The following EPHB2 variants were observed in gnomAD, a reference collection of about 807,000 sequenced individuals.
EPHB2 encodes the protein ephrin type-B receptor 2.
Under a neutral mutation model 96.4 loss-of-function variants are expected in EPHB2, and 18 were observed. That is an observed-to-expected ratio of 0.19 (90% CI 0.13 to 0.28). The LOEUF is 0.28. EPHB2 is among the 10% of genes least tolerant of loss of function. The probability of loss-of-function intolerance (pLI) is 1.00; values close to 1 mark genes in which losing one functional copy is unlikely to be tolerated. For missense variants in EPHB2, 989 were observed against 1,355.4 expected (o/e 0.73, Z 4.25); for synonymous variants, 506 against 534.1 (o/e 0.95, Z 0.72).
intron 3 of EPHB2, among the ~76,000 whole-genome samples, chr1:22,807,830 G>A (rs1644948370): frequency 1.3e-5 from 2 of 152,198 alleles, no homozygotes. Context: ...AAGGCCAGGG[G>A]CATAAAAGAA....
chr1:22,917,047 G>C lies in EPHB2; in HGVS notation c.*3477G>C, dbSNP rs1355677877. 2 of 152,350 alleles carry C rather than the reference G, an allele frequency of 1.3e-5. No individual in the cohort carries two copies. The highest frequency in any genetic ancestry group is 4.8e-5 in the African/African-American group (2 of 41,444). 9.4% of individuals were successfully genotyped at this position (152,350 alleles called of 1,614,324 possible). ...CAGAGGCCTCAGAGCAGGGACCCGG[G>C]TGGCGGGGCAGTAGGAGACACTTAA... On this transcript the variant is annotated 3_prime_UTR_variant, in exon 16 of 16. Transcript: ENST00000374630.
chr1:22,854,234 G>T (rs1645667043), intron 3 of EPHB2, among the ~76,000 whole-genome samples: 1 of 152,172 alleles, frequency 6.6e-6, no homozygotes, highest in Non-Finnish European at 1.5e-5. Context: ...ACTAAGGCTG[G>T]GCATAGTGGC....
At chr1:22,712,499 G>A (rs886790426) in intron 1 of EPHB2, among the ~76,000 whole-genome samples, 9 of 152,204 alleles carry the variant, frequency 5.9e-5, no homozygotes, top group African/African-American at 2.2e-4. Context: ...TGCGGCCTCT[G>A]GGAAAGGCGT....
At chr1:22,805,013 C>T (rs2148453180) in intron 3 of EPHB2, among the ~76,000 whole-genome samples, 1 of 152,172 alleles carries the variant, frequency 6.6e-6, no homozygotes, top group South Asian at 2.1e-4. Flanking sequence ...TCAACCCAGA[C>T]ACATTGGGGT....
chr1:22,913,383 G>GA lies in EPHB2; in HGVS notation c.2853-77dup. On this transcript the variant is annotated intron_variant, in intron 15 of 15. Transcript: ENST00000374630. The surrounding 1 kb of genome is among the most constrained non-coding windows in gnomAD (Gnocchi z 4.1). ...CTTGCTTTGCCATCTTCCTCCCGGG[G>GA]AAGCCCAGGCAGCTCTCTACCAGGC... 6.4e-7 allele frequency: 1 copy of GA among 1,563,340 alleles called. No individual in the cohort carries two copies. Among genetic ancestry groups the GA allele is most frequent in the Non-Finnish European group, 8.7e-7 (1 of 1,149,970 alleles).
At chr1:22,714,142 G>A (rs1048332117) in intron 1 of EPHB2, among the ~76,000 whole-genome samples, 1 of 152,228 alleles carries the variant, frequency 6.6e-6, no homozygotes, top group African/African-American at 2.4e-5. Context: ...CAGGCAAGGA[G>A]ACGGGACAAG....
intron 3 of EPHB2, among the ~76,000 whole-genome samples, chr1:22,800,049 C>G (rs1644820372): frequency 6.6e-6 from 1 of 152,242 alleles, no homozygotes; most frequent in Admixed American, 6.5e-5. Flanking sequence ...ATCCGTATCC[C>G]TGGCAACCCT....
chr1:22,738,402 C>T (rs905413377), intron 1 of EPHB2, among the ~76,000 whole-genome samples: 5 of 152,212 alleles, frequency 3.3e-5, no homozygotes, highest in Admixed American at 2.6e-4. Context: ...GGCTGGGTGT[C>T]AGGTCCTATG....
chr1:22,843,133 A>G (rs1344297129), intron 3 of EPHB2, among the ~76,000 whole-genome samples: 2 of 152,180 alleles, frequency 1.3e-5, no homozygotes, highest in African/African-American at 4.8e-5. Context: ...ACTAATGGCC[A>G]CTTACTGAGC....
At chr1:22,912,323 T>C (rs1640130145) in intron 14 of EPHB2, 121 bp from the exon 15 acceptor site, 1 of 1,414,260 alleles carries the variant, frequency 7.1e-7, no homozygotes, top group African/African-American at 1.4e-5. Context: ...CCCCTTCACC[T>C]GTGTTCACAT....
At chr1:22,857,509 G>C (rs906568659) in intron 3 of EPHB2, among the ~76,000 whole-genome samples, 1 of 152,062 alleles carries the variant, frequency 6.6e-6, no homozygotes, top group Non-Finnish European at 1.5e-5. Flanking sequence ...GTGACAGATG[G>C]GGCTGGAGAG....
chr1:22,893,573 C>A (rs1166648595), intron 7 of EPHB2, among the ~76,000 whole-genome samples: 1 of 152,194 alleles, frequency 6.6e-6, no homozygotes, highest in Non-Finnish European at 1.5e-5. Context: ...AAGCACCATT[C>A]CTGCTCTAAT....
At chr1:22,896,383 T>C (rs1237949325) in intron 8 of EPHB2, 31 bp from the exon 9 acceptor site, 11 of 1,613,898 alleles carry the variant, frequency 6.8e-6, no homozygotes, top group African/African-American at 1.3e-5. Context: ...CGCCTTCAGG[T>C]GGCTCCAGCC....
At chr1:22,765,637 C>T (rs1644298330) in intron 1 of EPHB2, among the ~76,000 whole-genome samples, 2 of 151,384 alleles carry the variant, frequency 1.3e-5, no homozygotes, top group South Asian at 4.2e-4. Context: ...TTCTGTCTTT[C>T]CACCTCTCCA....
At chr1:22,856,552 C>G (rs1169517853) in intron 3 of EPHB2, among the ~76,000 whole-genome samples, 1 of 152,196 alleles carries the variant, frequency 6.6e-6, no homozygotes, top group African/African-American at 2.4e-5. Context: ...GTGACACTCA[C>G]CACTCACTAA....
At chr1:22,815,779 C>T (rs540683463) in intron 3 of EPHB2, among the ~76,000 whole-genome samples, 81 of 152,266 alleles carry the variant, frequency 5.3e-4, no homozygotes, top group Non-Finnish European at 3.1e-4. Flanking sequence ...AGGCCCTGGG[C>T]GAAGGTCCGG....
chr1:22,797,357 A>G (rs1267486001), intron 3 of EPHB2, among the ~76,000 whole-genome samples: 1 of 152,180 alleles, frequency 6.6e-6, no homozygotes, highest in Non-Finnish European at 1.5e-5. Flanking sequence ...TCGACCTGCC[A>G]GCAGCATCTG....
At chr1:22,788,800 G>T (rs1455829373) in intron 3 of EPHB2, among the ~76,000 whole-genome samples, 4 of 147,968 alleles carry the variant, frequency 2.7e-5, no homozygotes, top group African/African-American at 1.0e-4. Flanking sequence ...TATCACTCAG[G>T]CTGGAGCGTA....
chr1:22,727,271 A>G (rs926055907), intron 1 of EPHB2, among the ~76,000 whole-genome samples: 1 of 152,260 alleles, frequency 6.6e-6, no homozygotes, highest in African/African-American at 2.4e-5. Context: ...CAGCTACTCC[A>G]GCAGTTGGGA....
Sources: gnomAD v4.1 joint callset for allele counts (sites outside exome capture counted in the v4.1 genomes callset) on GRCh38, gnomAD v4.1.1 for gene constraint, Gnocchi (gnomAD v3.1) non-coding constraint, MANE v1.5 for transcripts, NCBI Gene and HGNC (gene_info 2026-07-23, HGNC 2026-07-21) for gene names.